TRAF4: variants seen among roughly 807,000 people sequenced by gnomAD.
The protein encoded by TRAF4 is TNF receptor-associated factor 4.
A neutral mutation model predicts 47.3 loss-of-function variants in TRAF4; 9 were observed. The ratio of observed to expected loss-of-function variants is 0.19; its 90% confidence interval spans 0.11 to 0.33. The LOEUF is 0.33. TRAF4 is among the 10% of genes least tolerant of loss of function. The pLI is 1.00. For missense variants in TRAF4, 448 were observed against 620.3 expected, an observed-to-expected ratio of 0.72 and a Z score of 2.95; for synonymous variants, 236 against 236.9, an observed-to-expected ratio of 1.00 and a Z score of 0.04.
chr17:28,745,886 CTCAG>C (rs1051463643), intron 1 of TRAF4, among the ~76,000 whole-genome samples: 2 of 152,232 alleles, frequency 1.3e-5, no homozygotes, highest in Admixed American at 6.5e-5. Flanking sequence ...TCCAAAACCA[CTCAG>C]TCAGCACATT....
At position 28,749,809 on chromosome 17, in the gene TRAF4, G is replaced by A; in HGVS notation, c.*232G>A. 3 of 750,980 alleles carry A rather than the reference G, an allele frequency of 4.0e-6. No individual in the cohort carries two copies. The highest frequency in any genetic ancestry group is 7.0e-6 in the Non-Finnish European group (3 of 429,628). 46.5% of individuals were successfully genotyped at this position (750,980 alleles called of 1,614,324 possible). A position where few individuals can be genotyped will look rare whatever the true frequency, so the allele number is the denominator to read the frequency against. The stretch of plus-strand genomic sequence containing the variant: ...GAAGGGCTGGAAACAAGTGACCCCA[G>A]GGCCTGTCTCCCTTCTTGGGTAGGG... On this transcript the variant is annotated 3_prime_UTR_variant, in exon 7 of 7. Coordinates refer to ENST00000262395, the MANE Select transcript of TRAF4 (RefSeq NM_004295.4).
intron 2 of TRAF4, 53 bp from the exon 3 acceptor site, chr17:28,747,790 T>A (rs762958397): frequency 1.3e-6 from 2 of 1,563,010 alleles, no homozygotes; most frequent in South Asian, 2.3e-5. Context: ...GGGTGGGAAC[T>A]GGGCACTGCA....
In TRAF4 at chr17:28,748,668, T is replaced by C; in HGVS notation, c.780+2T>C. On this transcript the variant is annotated splice_donor_variant, in intron 6 of 6. Transcript: ENST00000262395. LOFTEE classifies it high-confidence loss of function. ...AAAGACTCCGGCTGCAAGCACAGGG[T>C]GAGATGCCCCTTTTCCTGTCAGCCC... 1.9e-6 allele frequency: 3 copies of C among 1,608,936 alleles called. No homozygotes were observed. Among genetic ancestry groups the C allele is most frequent in the Non-Finnish European group, 2.5e-6 (3 of 1,179,638 alleles).
chr17:28,744,080 G>A lies in TRAF4; in HGVS notation c.-33G>A, dbSNP rs758180750. On this transcript the variant is annotated 5_prime_UTR_variant, in exon 1 of 7. Coordinates refer to ENST00000262395, the MANE Select transcript of TRAF4 (RefSeq NM_004295.4). ...GGGCTGTGGGGCCGCCGCGTGCCTG[G>A]CCCCGCTCGCCCGTGCCGGCCGCTC... The A allele has an allele frequency of 2.1e-6, 3 of 1,449,734 alleles. No homozygotes were observed. Among genetic ancestry groups the A allele is most frequent in the African/African-American group, 1.5e-5 (1 of 67,650 alleles). 89.8% of individuals were successfully genotyped at this position (1,449,734 alleles called of 1,614,324 possible).
Position 28,744,035 on chromosome 17 carries a change from G to A in TRAF4, c.-78G>A. 1 of 1,052,398 alleles carries A rather than the reference G, an allele frequency of 9.5e-7. No homozygotes were observed. The highest frequency in any genetic ancestry group is 4.4e-5 in the South Asian group (1 of 22,966). The allele number at this position is 1,052,398 out of a possible 1,614,324, so 65.2% of individuals were successfully genotyped here. ...CAGTCGGCGCCGCCCGGAGCCGGGAGCGCCGCTCCAGCGAGGCGCGGGCTG... is the reference window on the plus strand; with the variant it reads ...CAGTCGGCGCCGCCCGGAGCCGGGAACGCCGCTCCAGCGAGGCGCGGGCTG... On this transcript the variant is annotated 5_prime_UTR_variant, in exon 1 of 7. Coordinates refer to ENST00000262395, the MANE Select transcript of TRAF4 (RefSeq NM_004295.4).
intron 1 of TRAF4, chr17:28,744,566 A>G: frequency 3.3e-6 from 1 of 299,936 alleles, no homozygotes; most frequent in Non-Finnish European, 6.3e-6. Flanking sequence ...TCAGCCTTGA[A>G]CTTTGAATCC....
chr17:28,745,696 C>A, intron 1 of TRAF4: 1 of 154,910 alleles, frequency 6.5e-6, no homozygotes, highest in Non-Finnish European at 1.4e-5. Flanking sequence ...CCCCCATCCC[C>A]CAGTGCCTGA....
Position 28,749,395 on chromosome 17 carries a change from G to A in TRAF4, c.1231G>A (p.Asp411Asn), listed in dbSNP as rs781098705. ...PQHVTETFHP[D>N]PNWKNFQKPG... Reference sequence around the variant, plus strand: ...GCACGTCACTGAGACCTTCCACCCCGACCCAAACTGGAAGAATTTCCAGAA... The same window carrying A: ...GCACGTCACTGAGACCTTCCACCCCAACCCAAACTGGAAGAATTTCCAGAA... Residue 411 changes from aspartate to asparagine, a missense_variant, in exon 7 of 7, where the codon GAC becomes AAC. Asp to Asn is a conservative substitution (Grantham distance 23). Transcript: ENST00000262395. 9.3e-6 allele frequency: 15 copies of A among 1,613,944 alleles called. No homozygotes were observed. Among genetic ancestry groups the A allele is most frequent in the Admixed American group, 1.7e-5 (1 of 60,020 alleles).
chr17:28,748,190 C>G lies in TRAF4; in HGVS notation c.462+12C>G. On this transcript the variant is annotated intron_variant, in intron 4 of 6. Coordinates refer to ENST00000262395, the MANE Select transcript of TRAF4 (RefSeq NM_004295.4). ...GGGAGGCCTATGAGGTGGGTGGGGT[C>G]TGGCTGAATGTGGAGGAGGGGGTAC... 6.2e-7 allele frequency: 1 copy of G among 1,613,794 alleles called. No homozygotes were observed. Among genetic ancestry groups the G allele is most frequent in the Admixed American group, 1.7e-5 (1 of 60,010 alleles).
rs1434063162 is a variant in TRAF4 at position 28,747,144 on chromosome 17, G to A, written c.144-69G>A. ...GGTGAGGAAGGGAGGCTGCCTCAGTGGAGGGGGTGGGGCCAGGCCTCCCTT... is the reference window on the plus strand; with the variant it reads ...GGTGAGGAAGGGAGGCTGCCTCAGTAGAGGGGGTGGGGCCAGGCCTCCCTT... On this transcript the variant is annotated intron_variant, in intron 1 of 6. Transcript: ENST00000262395. 4.0e-5 allele frequency: 63 copies of A among 1,563,500 alleles called. No homozygotes were observed. In the East Asian group the frequency reaches 6.3e-4, roughly 16 times the overall value.
chr17:28,748,252 A>T lies in TRAF4; in HGVS notation c.463-10A>T, dbSNP rs946959753. On this transcript the variant is annotated splice_polypyrimidine_tract_variant and intron_variant, in intron 4 of 6. Coordinates refer to ENST00000262395, the MANE Select transcript of TRAF4 (RefSeq NM_004295.4). ...GGCATCTCTTAACTCAGCACCTCTG[A>T]CATTTCCAGAGCCATGAGGGTATGT... 2 of 1,612,394 alleles carry T rather than the reference A, an allele frequency of 1.2e-6. No individual in the cohort carries two copies. The highest frequency in any genetic ancestry group is 1.7e-6 in the Non-Finnish European group (2 of 1,178,682).
rs778894975 is a variant in TRAF4, at chr17:28,749,105, T to C, written c.941T>C (p.Ile314Thr). ...VGSDGVLIWKIGSYGRRLQEA... is the reference protein window; with the variant it reads ...VGSDGVLIWKTGSYGRRLQEA... ...AGTGATGGCGTGCTCATCTGGAAGA[T>C]TGGCAGCTATGGACGGCGGCTACAG... The change falls in exon 7 of 7, where the codon ATT (isoleucine) becomes ACT (threonine). Residue 314 changes from isoleucine to threonine, a missense_variant. Coordinates refer to ENST00000262395, the MANE Select transcript of TRAF4 (RefSeq NM_004295.4). 4.3e-6 allele frequency: 7 copies of C among 1,614,160 alleles called. No homozygotes were observed. The Admixed American group carries it at 5.0e-5, about 12-fold the overall frequency.
At chr17:28,746,540 C>T (rs540759293) in intron 1 of TRAF4, among the ~76,000 whole-genome samples, 1 of 152,348 alleles carries the variant, frequency 6.6e-6, no homozygotes, top group Admixed American at 6.5e-5. Context: ...TAGAGCCTGT[C>T]TGAGCTGTGG....
rs958555382 is a variant in TRAF4, at chr17:28,744,603, C to T, written c.143+348C>T. 1.3e-5 allele frequency: 3 copies of T among 238,512 alleles called. No individual in the cohort carries two copies. The East Asian group carries it at 4.2e-4, about 33-fold the overall frequency. 14.8% of individuals were successfully genotyped at this position (238,512 alleles called of 1,614,324 possible). Reference sequence around the variant, plus strand: ...GGGGGAAGAGGACAAAACCCGCTCCCGCGTGGCAGTTTGAGCCTCCGGAGC... The same window carrying T: ...GGGGGAAGAGGACAAAACCCGCTCCTGCGTGGCAGTTTGAGCCTCCGGAGC... On this transcript the variant is annotated intron_variant, in intron 1 of 6. Coordinates refer to ENST00000262395, the MANE Select transcript of TRAF4 (RefSeq NM_004295.4).
At chr17:28,748,765 C>T in intron 6 of TRAF4, 99 bp downstream of exon 6, 5 of 1,535,742 alleles carry the variant, frequency 3.3e-6, no homozygotes, top group Non-Finnish European at 4.4e-6. Context: ...CCCTGCTGTG[C>T]TGCTCTGAAA....
In TRAF4 at chr17:28,748,386, C is replaced by T; in HGVS notation, c.587C>T (p.Thr196Ile). Residue 196 changes from threonine (T) to isoleucine (I), a missense_variant, in exon 5 of 7, where the codon ACC becomes ATC. Physicochemically the swap from Thr to Ile is moderately conservative, Grantham distance 89. Coordinates refer to ENST00000262395, the MANE Select transcript of TRAF4 (RefSeq NM_004295.4). ...TGCCCCAAGCGCACTCAGCCCTGCACCTACTGCACTAAGGAGTTCGTCTTT... is the reference window on the plus strand; with the variant it reads ...TGCCCCAAGCGCACTCAGCCCTGCATCTACTGCACTAAGGAGTTCGTCTTT... The part of the protein sequence containing the change: ...SECPKRTQPC[T>I]YCTKEFVFDT... 2.5e-6 allele frequency: 4 copies of T among 1,612,426 alleles called. No individual in the cohort carries two copies. Among genetic ancestry groups the T allele is most frequent in the Non-Finnish European group, 3.4e-6 (4 of 1,178,832 alleles).
In TRAF4 at chr17:28,749,253, C is replaced by G. The variant is rs201134433; in HGVS notation, c.1089C>G (p.Leu363=). The G allele has an allele frequency of 1.2e-6, 2 of 1,614,152 alleles. No homozygotes were observed. Among genetic ancestry groups the G allele is most frequent in the Non-Finnish European group, 1.7e-6 (2 of 1,180,052 alleles). ...ATGGCAGTGGTGAGGGCACACACCT[C>G]TCACTGTACATTCGTGTGCTGCCTG... ...NGNGSGEGTH[L]SLYIRVLPGA... Residue 363 remains leucine (L), a synonymous_variant, in exon 7 of 7, where the codon CTC becomes CTG. Coordinates refer to ENST00000262395, the MANE Select transcript of TRAF4 (RefSeq NM_004295.4).
Position 28,744,275 on chromosome 17 carries a change from G to A in TRAF4, c.143+20G>A, listed in dbSNP as rs751504026. The A allele has an allele frequency of 7.0e-7, 1 of 1,418,816 alleles. No homozygotes were observed. Among genetic ancestry groups the A allele is most frequent in the Non-Finnish European group, 9.6e-7 (1 of 1,042,596 alleles). The allele number at this position is 1,418,816 out of a possible 1,614,324, so 87.9% of individuals were successfully genotyped here. On this transcript the variant is annotated intron_variant, in intron 1 of 6. Transcript: ENST00000262395. ...CCTCAGGTGCTGGCCGGGGAGCAGG[G>A]GACAGCGGGGGCGGGGCGGGGCGGG...
At chr17:28,748,745 C>A in intron 6 of TRAF4, 79 bp downstream of exon 6, 1 of 1,564,896 alleles carries the variant, frequency 6.4e-7, no homozygotes, top group Admixed American at 1.7e-5. Flanking sequence ...TGTACTTAGG[C>A]CTTGGTGGTC....
Sources: allele counts gnomAD v4.1 joint callset (sites outside exome capture counted in the v4.1 genomes callset), GRCh38; gene constraint gnomAD v4.1.1; transcripts MANE v1.5; gene names NCBI Gene and HGNC (gene_info 2026-07-23, HGNC 2026-07-21).